Variants in GPHN observed in about 807,000 individuals in gnomAD.
The protein encoded by GPHN is gephyrin.
In GPHN, 17 loss-of-function variants were observed where a neutral mutation model predicts 95.5. That is an observed-to-expected ratio of 0.18 (90% CI 0.12 to 0.27). GPHN has a LOEUF of 0.27. Among genes scored for constraint, GPHN ranks in the 10% least tolerant of loss-of-function variants. GPHN has a pLI of 1.00. For synonymous variants in GPHN, 320 were observed against 322.5 expected (o/e 0.99, Z 0.08); for missense variants, 660 against 978.1 (o/e 0.67, Z 4.34).
At chr14:67,417,969 C>G in the GPHN span, among the ~76,000 whole-genome samples, 1 of 152,118 alleles carries the variant, frequency 6.6e-6, no homozygotes, top group Admixed American at 6.5e-5. Flanking sequence ...TGGATTTGAA[C>G]TCCTGGGCGC....
At chr14:67,089,133 CTT>C (rs1163483546) in intron 12 of GPHN, 58 bp downstream of exon 12, 2,755 of 198,052 alleles carry the variant, frequency 0.014, 1 homozygote, top group Non-Finnish European at 0.015. Flanking sequence ...TTCTTTTTTT[CTT>C]TTTTTTTTTT....
rs1220699554 is a variant in GPHN, at chr14:66,798,782, A to T, written c.201+22261A>T. 2.0e-5 allele frequency among the ~76,000 whole-genome samples: 3 copies of T among 150,008 alleles called. 1 individual carries two copies. Among genetic ancestry groups the T allele is most frequent in the Middle Eastern group, 6.4e-3 (2 of 314 alleles). ...AAAAACTTAAATGTTTGTTTCATTG[A>T]TCTTTGATTTTTTTTTCTTCATTCC... is the stretch of plus-strand genomic sequence containing the variant. On this transcript the variant is annotated intron_variant, in intron 3 of 22. Transcript: ENST00000478722.
the GPHN span, chr14:67,383,626 T>A: frequency 2.8e-6 from 2 of 724,870 alleles, no homozygotes; most frequent in Non-Finnish European, 4.4e-6. Context: ...TGTCACACAG[T>A]AGCTCCAACA....
At chr14:67,694,713 A>G in the GPHN span, among the ~76,000 whole-genome samples, 4 of 152,250 alleles carry the variant, frequency 2.6e-5, no homozygotes, top group South Asian at 4.1e-4. Flanking sequence ...CAGAAAAAAT[A>G]TAACTGGAAG....
At chr14:66,818,685 T>C (rs2061077708) in intron 3 of GPHN, among the ~76,000 whole-genome samples, 2 of 152,216 alleles carry the variant, frequency 1.3e-5, no homozygotes. Flanking sequence ...GACACTGTCT[T>C]CCACAATGGT....
chr14:67,397,581 C>T, the GPHN span: 1 of 1,218,072 alleles, frequency 8.2e-7, no homozygotes, highest in Non-Finnish European at 1.1e-6. Context: ...CTTCCTCCTA[C>T]CCACACCACT....
At chr14:67,643,134 C>T in the GPHN span, among the ~76,000 whole-genome samples, 1 of 152,154 alleles carries the variant, frequency 6.6e-6, no homozygotes, top group Non-Finnish European at 1.5e-5. Context: ...ACAATATGGA[C>T]CCTAGTGACT....
At chr14:66,979,732 G>A (rs188770391) in intron 9 of GPHN, among the ~76,000 whole-genome samples, 1 of 152,214 alleles carries the variant, frequency 6.6e-6, no homozygotes, top group East Asian at 1.9e-4. Flanking sequence ...TTACAACTCA[G>A]CTGTTTGACA....
intron 9 of GPHN, among the ~76,000 whole-genome samples, chr14:66,991,015 G>T: frequency 6.6e-6 from 1 of 151,868 alleles, no homozygotes. Context: ...TACCACTATT[G>T]ATTAAGGATA....
At chr14:67,188,317 A>T in the GPHN span, among the ~76,000 whole-genome samples, 1 of 152,352 alleles carries the variant, frequency 6.6e-6, no homozygotes, top group Admixed American at 6.5e-5. Flanking sequence ...TATTTTAAAT[A>T]TACCATTATT....
At chr14:66,809,524 TAGAC>T (rs1160093867) in intron 3 of GPHN, among the ~76,000 whole-genome samples, 38 of 152,314 alleles carry the variant, frequency 2.5e-4, no homozygotes, top group Admixed American at 3.9e-4. Flanking sequence ...GGTTTTCACT[TAGAC>T]AGCTTCTTAA....
the GPHN span, among the ~76,000 whole-genome samples, chr14:67,408,116 G>A: frequency 2.0e-5 from 3 of 151,780 alleles, no homozygotes; most frequent in East Asian, 1.9e-4. Flanking sequence ...GAGAAACCAC[G>A]TCTCTACTAA....
chr14:67,151,441 A>G (rs1245347986), intron 18 of GPHN, among the ~76,000 whole-genome samples: 2 of 152,220 alleles, frequency 1.3e-5, no homozygotes, highest in African/African-American at 2.4e-5. Context: ...GAGATCACCA[A>G]ATGATTAGAC....
At chr14:67,690,063 T>C in the GPHN span, 21 of 653,042 alleles carry the variant, frequency 3.2e-5, no homozygotes, top group African/African-American at 2.9e-4. Flanking sequence ...CAATATTCAG[T>C]TGTAGACTAC....
intron 1 of GPHN, among the ~76,000 whole-genome samples, chr14:66,627,694 C>G (rs72726418): frequency 0.039 from 5,894 of 152,078 alleles, 171 homozygotes; most frequent in Middle Eastern, 0.065. Flanking sequence ...TTCACAAAGA[C>G]TTGATATTGT....
chr14:67,142,107 T>G (rs894249051), intron 17 of GPHN, among the ~76,000 whole-genome samples: 1 of 152,170 alleles, frequency 6.6e-6, no homozygotes, highest in Non-Finnish European at 1.5e-5. Flanking sequence ...GGTTACTCCC[T>G]TTTTAGTTGT....
chr14:66,901,094 A>G (rs1409467729), intron 5 of GPHN, among the ~76,000 whole-genome samples: 2 of 152,074 alleles, frequency 1.3e-5, no homozygotes, highest in Non-Finnish European at 2.9e-5. Context: ...TAACTGGAGT[A>G]AAATGATATC....
At chr14:67,667,100 A>G in the GPHN span, among the ~76,000 whole-genome samples, 1 of 152,150 alleles carries the variant, frequency 6.6e-6, no homozygotes, top group Admixed American at 6.5e-5. Context: ...TCTGGGACCA[A>G]CTCTGTCTCC....
intron 10 of GPHN, among the ~76,000 whole-genome samples, chr14:67,035,781 G>A (rs930416853): frequency 6.6e-6 from 1 of 151,664 alleles, no homozygotes. Context: ...TCCCAATAAA[G>A]TAAAACCCAT....
Sources: gnomAD v4.1 joint callset for allele counts (sites outside exome capture counted in the v4.1 genomes callset) on GRCh38, gnomAD v4.1.1 for gene constraint, MANE v1.5 for transcripts, NCBI Gene and HGNC (gene_info 2026-07-23, HGNC 2026-07-21) for gene names.